Variants in TST observed in about 807,000 individuals in gnomAD.
TST encodes epididymis secretory sperm binding protein.
In TST, 22 loss-of-function variants were observed where a neutral mutation model predicts 20.4. The ratio of observed to expected loss-of-function variants is 1.08; its 90% CI spans 0.77 to 1.54. TST has a LOEUF of 1.54. Among genes scored for constraint, TST ranks in the 40% most tolerant of loss-of-function variants. TST has a pLI of 0.00. For missense variants in TST, 392 were observed against 405.2 expected (o/e 0.97, Z 0.28); for synonymous variants, 187 against 173.8 (o/e 1.08, Z -0.60).
chr22:37,018,034 T>C (rs1234003481), intron 2 of TST, 104 bp downstream of exon 2: 10 of 849,300 alleles, frequency 1.2e-5, no homozygotes, highest in Non-Finnish European at 1.8e-5. Context: ...CATGGGAGGA[T>C]TGAAGGCATG....
At chr22:37,017,517 G>C (rs915931241) in intron 2 of TST, among the ~76,000 whole-genome samples, 3 of 152,136 alleles carry the variant, frequency 2.0e-5, no homozygotes, top group Non-Finnish European at 4.4e-5. Context: ...GCCAAAACAG[G>C]GGCATTGAGC....
intron 1 of TST, chr22:37,018,963 G>A (rs897046085): frequency 1.1e-5 from 5 of 450,378 alleles, no homozygotes; most frequent in Non-Finnish European, 1.2e-5. Flanking sequence ...CCGGCCCGGG[G>A]GCCCAGCGCA....
intron 2 of TST, among the ~76,000 whole-genome samples, chr22:37,014,350 A>C (rs1569161608): frequency 6.6e-6 from 1 of 152,206 alleles, no homozygotes; most frequent in Non-Finnish European, 1.5e-5. Context: ...AGCCTGGGTG[A>C]CAGAGCGAGA....
intron 2 of TST, 22 bp from the exon 3 acceptor site, chr22:37,011,347 G>T: frequency 6.3e-7 from 1 of 1,595,246 alleles, no homozygotes; most frequent in Non-Finnish European, 8.6e-7. Flanking sequence ...AGAGGACACA[G>T]CTTAGGGGAT....
In TST at chr22:37,018,382, A is replaced by G; in HGVS notation, c.351T>C (p.Arg117=). 6.2e-7 allele frequency: 1 copy of G among 1,613,854 alleles called. No homozygotes were observed. The highest frequency in any genetic ancestry group is 8.5e-7 in the Non-Finnish European group (1 of 1,180,002). ...CTGATACGGTGCGGTGGCCAAACAC[A>G]CGGAACATCCACCAGACCCGGGGAG... ...FYAPRVWWMF[R]VFGHRTVSVL... is the part of the protein sequence containing the mutation. Residue 117 remains arginine (R), a synonymous_variant, in exon 2 of 3, where the codon CGT becomes CGC. Transcript: ENST00000249042.
upstream of TST, chr22:37,019,815 G>C (rs902404486): frequency 9.6e-5 from 113 of 1,172,422 alleles, no homozygotes; most frequent in East Asian, 3.5e-3. Context: ...GCGCGGGGAG[G>C]GGGCGCCGCG....
At chr22:37,014,782 A>G (rs1163414641) in intron 2 of TST, among the ~76,000 whole-genome samples, 1 of 152,192 alleles carries the variant, frequency 6.6e-6, no homozygotes, top group East Asian at 1.9e-4. Context: ...CTCAACTACT[A>G]GAGTTAACAT....
chr22:37,010,979 G>C lies in TST; in HGVS notation c.*48C>G, dbSNP rs145717021. ...GAGGTAAGAACCGGCTGTAAGTCAT[G>C]GGGTCACTAAACCGGCCGCAGTTAC... On this transcript the variant is annotated 3_prime_UTR_variant, in exon 3 of 3. Transcript: ENST00000249042. The C allele has an allele frequency of 2.9e-5, 45 of 1,570,550 alleles. No homozygotes were observed. Among genetic ancestry groups the C allele is most frequent in the Middle Eastern group, 2.4e-4 (1 of 4,254 alleles).
rs756668524 is a variant in TST, at chr22:37,018,646, C to T, written c.87G>A (p.Leu29=). ...SIRTGKLGPG[L]RVLDASWYSP... ...AGTACCAGGACGCGTCCAGCACCCG[C>T]AGGCCGGGCCCCAGCTTGCCAGTCC... Residue 29 remains leucine (L), a synonymous_variant, in exon 2 of 3, where the codon CTG becomes CTA. Transcript: ENST00000249042. 5.7e-6 allele frequency: 9 copies of T among 1,565,542 alleles called. No individual in the cohort carries two copies. The highest frequency in any genetic ancestry group is 4.7e-5 in the South Asian group (4 of 85,842).
In TST at chr22:37,018,145, A is replaced by ATCCGGC; in HGVS notation, c.582_587dup (p.Glu194_Pro195dup). Reference sequence around the variant, plus strand: ...CAGCACTGGGACACCTACCTACTGCATCCGGCTCCGGCTCGGTGCCCAGGA... The same window carrying ATCCGGC: ...CAGCACTGGGACACCTACCTACTGCATCCGGCTCCGGCTCCGGCTCGGTGCCCAGGA... On this transcript the variant is annotated inframe_insertion, in exon 2 of 3. Transcript: ENST00000249042. 1 of 1,551,760 alleles carries ATCCGGC rather than the reference A, an allele frequency of 6.4e-7. No homozygotes were observed.
At chr22:37,013,717 C>T (rs1250129900) in intron 2 of TST, among the ~76,000 whole-genome samples, 1 of 152,126 alleles carries the variant, frequency 6.6e-6, no homozygotes, top group Non-Finnish European at 1.5e-5. Context: ...AGATGTGTGC[C>T]CACCCTACCA....
chr22:37,015,487 G>C (rs1482555030), intron 2 of TST, among the ~76,000 whole-genome samples: 2 of 152,246 alleles, frequency 1.3e-5, no homozygotes, highest in Non-Finnish European at 2.9e-5. Flanking sequence ...CTGAGGCTAA[G>C]CATCAGTATC....
intron 2 of TST, among the ~76,000 whole-genome samples, chr22:37,012,093 G>C (rs965571110): frequency 6.6e-6 from 1 of 152,228 alleles, no homozygotes; most frequent in Non-Finnish European, 1.5e-5. Context: ...AGTATCCACT[G>C]TGTATTGGCT....
At chr22:37,017,590 T>C (rs887197451) in intron 2 of TST, among the ~76,000 whole-genome samples, 1 of 150,884 alleles carries the variant, frequency 6.6e-6, no homozygotes, top group Admixed American at 6.6e-5. Flanking sequence ...CTGTTACAAC[T>C]CTGCCGACGG....
rs1449834152 is a variant in TST at position 37,010,911 on chromosome 22, C to T, written c.*116G>A. On this transcript the variant is annotated 3_prime_UTR_variant, in exon 3 of 3. Transcript: ENST00000249042. Reference sequence around the variant, plus strand: ...CCAGTGTTGACAGAGAGAGGGTGAGCCTTGCACAGCAATTCTAAAAACATG... The same window carrying T: ...CCAGTGTTGACAGAGAGAGGGTGAGTCTTGCACAGCAATTCTAAAAACATG... 2 of 1,411,560 alleles carry T rather than the reference C, an allele frequency of 1.4e-6. No individual in the cohort carries two copies. The highest frequency in any genetic ancestry group is 1.9e-6 in the Non-Finnish European group (2 of 1,038,764). The allele number at this position is 1,411,560 out of a possible 1,614,324, so 87.4% of individuals were successfully genotyped here. A position where few individuals can be genotyped will look rare whatever the true frequency, so the allele number is the denominator to read the frequency against.
chr22:37,013,793 TTC>T (rs1474057216), intron 2 of TST, among the ~76,000 whole-genome samples: 1 of 152,228 alleles, frequency 6.6e-6, no homozygotes, highest in African/African-American at 2.4e-5. Context: ...TTTAAAATGT[TTC>T]CACAGTGGGC....
chr22:37,016,032 C>A lies in TST; in HGVS notation c.595+2106G>T, dbSNP rs1012436281. ...GATCTTGGCTCACTGCAACCTCCAC[C>A]TCCCGGGTTCAAGCGATTCTCCTGC... On this transcript the variant is annotated intron_variant, in intron 2 of 2. Coordinates refer to ENST00000249042, the MANE Select transcript of TST (RefSeq NM_003312.6). Among the ~76,000 whole-genome samples, 4 of 150,134 alleles carry A rather than the reference C, an allele frequency of 2.7e-5. No homozygotes were observed. The Admixed American group carries it at 2.7e-4, about 10-fold the overall frequency.
At chr22:37,015,361 C>T (rs551087475) in intron 2 of TST, among the ~76,000 whole-genome samples, 2 of 152,356 alleles carry the variant, frequency 1.3e-5, no homozygotes, top group Admixed American at 1.3e-4. Context: ...AAAATTAAGT[C>T]GATAAAGAAA....
chr22:37,019,606 C>T, upstream of TST: 1 of 229,462 alleles, frequency 4.4e-6, no homozygotes, highest in Non-Finnish European at 8.4e-6. Context: ...CCTCCGGGAC[C>T]CGCGGGGGTC....
Sources: gnomAD v4.1 joint callset for allele counts (sites outside exome capture counted in the v4.1 genomes callset) on GRCh38, gnomAD v4.1.1 for gene constraint, MANE v1.5 for transcripts, NCBI Gene and HGNC (gene_info 2026-07-23, HGNC 2026-07-21) for gene names.